TAB2: variants seen among roughly 807,000 people sequenced by gnomAD.
TAB2 encodes the protein TGF-beta-activated kinase 1 and MAP3K7-binding protein 2.
In TAB2, 3 loss-of-function variants were observed where a neutral mutation model predicts 65.0. The observed-to-expected ratio is 0.05, with a 90% CI of 0.02 to 0.12. TAB2 has a LOEUF of 0.12. TAB2 is among the 10% of genes least tolerant of loss of function. TAB2 has a pLI of 1.00. For missense variants in TAB2, 623 were observed against 840.3 expected (o/e 0.74, Z 3.20); for synonymous variants, 298 against 285.1 (o/e 1.05, Z -0.46).
intron 1 of TAB2, among the ~76,000 whole-genome samples, chr6:149,335,341 G>A (rs1381061963): frequency 6.6e-6 from 1 of 150,558 alleles, no homozygotes; most frequent in African/African-American, 2.4e-5. Context: ...AAAAATATAT[G>A]TGTGTATATA....
At chr6:149,308,157 T>C (rs1451600790) in intron 1 of TAB2, among the ~76,000 whole-genome samples, 1 of 152,238 alleles carries the variant, frequency 6.6e-6, no homozygotes, top group Non-Finnish European at 1.5e-5. Context: ...TTTACTATTA[T>C]AAGGAAGGTT....
intron 1 of TAB2, among the ~76,000 whole-genome samples, chr6:149,341,257 C>T (rs1780116805): frequency 1.3e-5 from 2 of 152,044 alleles, no homozygotes; most frequent in Non-Finnish European, 2.9e-5. Context: ...ATCATCAGCT[C>T]TCAAAATTGA....
rs764646406 is a variant in TAB2, at chr6:149,400,241, G to A, written c.1939+1057G>A. On this transcript the variant is annotated intron_variant, in intron 6 of 6. Coordinates refer to ENST00000637181, the MANE Select transcript of TAB2 (RefSeq NM_001292034.3). Reference sequence around the variant, plus strand: ...AACAGCTCGTGCTGGCGCACACAGCGGGAGGGGAGGGAGCCCAGGATGTGC... The same window carrying A: ...AACAGCTCGTGCTGGCGCACACAGCAGGAGGGGAGGGAGCCCAGGATGTGC... 80 of 799,816 alleles carry A rather than the reference G, an allele frequency of 1.0e-4. 1 individual carries two copies. Among genetic ancestry groups the A allele is most frequent in the South Asian group, 7.5e-4 (41 of 54,618 alleles). 49.5% of individuals were successfully genotyped at this position (799,816 alleles called of 1,614,324 possible). A position where few individuals can be genotyped will look rare whatever the true frequency, so the allele number is the denominator to read the frequency against.
intron 1 of TAB2, chr6:149,229,951 A>G (rs773041085): frequency 6.6e-6 from 1 of 152,222 alleles, no homozygotes; most frequent in Non-Finnish European, 1.5e-5. Flanking sequence ...ACCTTGGCTC[A>G]TTTCAAAATC....
chr6:149,323,359 TA>T (rs1779511724), intron 1 of TAB2, among the ~76,000 whole-genome samples: 1 of 152,144 alleles, frequency 6.6e-6, no homozygotes, highest in Non-Finnish European at 1.5e-5. Flanking sequence ...GAAAAAGTAA[TA>T]TAGCAGTTTT....
intron 1 of TAB2, among the ~76,000 whole-genome samples, chr6:149,256,570 T>C (rs1778039586): frequency 1.3e-5 from 2 of 152,186 alleles, no homozygotes; most frequent in South Asian, 4.1e-4. Flanking sequence ...TCGAATATAT[T>C]ATTCATGCTG....
At chr6:149,408,679 A>G (rs1028216928) in intron 6 of TAB2, among the ~76,000 whole-genome samples, 1 of 152,198 alleles carries the variant, frequency 6.6e-6, no homozygotes, top group Admixed American at 6.5e-5. Context: ...TTGTAGGAAT[A>G]CTGTTCTAAT....
intron 1 of TAB2, among the ~76,000 whole-genome samples, chr6:149,273,795 C>T (rs1467467167): frequency 2.0e-5 from 3 of 152,224 alleles, no homozygotes; most frequent in East Asian, 1.9e-4. Flanking sequence ...GCAGAACACA[C>T]ACCTTCCGTG....
chr6:149,404,550 A>G (rs964016057), intron 6 of TAB2, among the ~76,000 whole-genome samples: 1 of 152,248 alleles, frequency 6.6e-6, no homozygotes, highest in Non-Finnish European at 1.5e-5. Context: ...ACAAAGTTAT[A>G]GTAAAACAGT....
intron 1 of TAB2, among the ~76,000 whole-genome samples, chr6:149,348,037 G>A (rs940930684): frequency 1.3e-5 from 2 of 152,150 alleles, no homozygotes; most frequent in South Asian, 4.1e-4. Context: ...TACTGTTTAA[G>A]AGTAATTCAT....
At chr6:149,386,627 C>T (rs1781818153) in intron 3 of TAB2, among the ~76,000 whole-genome samples, 1 of 152,184 alleles carries the variant, frequency 6.6e-6, no homozygotes, top group South Asian at 2.1e-4. Flanking sequence ...TATAAATACA[C>T]TGCATTTCAT....
chr6:149,306,238 TCTA>T (rs948359032), intron 1 of TAB2, among the ~76,000 whole-genome samples: 2 of 151,736 alleles, frequency 1.3e-5, no homozygotes, highest in African/African-American at 4.8e-5. Context: ...AAACCCCATC[TCTA>T]CTAAAAATAC....
chr6:149,260,206 G>A (rs939717917), intron 1 of TAB2, among the ~76,000 whole-genome samples: 1 of 152,194 alleles, frequency 6.6e-6, no homozygotes, highest in African/African-American at 2.4e-5. Flanking sequence ...ACCTCATCAG[G>A]ACAGCCCCTG....
At chr6:149,266,298 T>C (rs1391780925) in intron 1 of TAB2, among the ~76,000 whole-genome samples, 1 of 152,214 alleles carries the variant, frequency 6.6e-6, no homozygotes, top group Non-Finnish European at 1.5e-5. Flanking sequence ...TACGTGTGTC[T>C]GTGTCTTTGT....
At chr6:149,290,917 G>A (rs1778764951) in intron 1 of TAB2, among the ~76,000 whole-genome samples, 2 of 152,176 alleles carry the variant, frequency 1.3e-5, no homozygotes, top group African/African-American at 2.4e-5. Context: ...GCTGTTGAAC[G>A]AATGAATTAT....
intron 1 of TAB2, among the ~76,000 whole-genome samples, chr6:149,269,984 G>A (rs1432052620): frequency 6.6e-6 from 1 of 152,198 alleles, no homozygotes; most frequent in African/African-American, 2.4e-5. Context: ...GGGTCCTACA[G>A]CAAGCATACA....
chr6:149,389,498 A>G (rs1781911157), intron 3 of TAB2, among the ~76,000 whole-genome samples: 2 of 151,936 alleles, frequency 1.3e-5, no homozygotes, highest in South Asian at 4.2e-4. Context: ...ATACAAAATT[A>G]GCTGGGTGTG....
At position 149,267,137 on chromosome 6, in the gene TAB2, G is replaced by C. The variant is rs543695055; in HGVS notation, c.-121+48361G>C. On this transcript the variant is annotated intron_variant, in intron 1 of 1. Transcript: ENST00000606202. Reference sequence around the variant, plus strand: ...AATGAAATGCGTGCCTGTGAGAATGGAGAGGAGAGAGGAGATTTGAGGGAG... The same window carrying C: ...AATGAAATGCGTGCCTGTGAGAATGCAGAGGAGAGAGGAGATTTGAGGGAG... 3.3e-5 allele frequency among the ~76,000 whole-genome samples: 5 copies of C among 152,292 alleles called. No individual in the cohort carries two copies. The East Asian group carries it at 9.6e-4, about 29-fold the overall frequency.
At chr6:149,236,776 G>A (rs959299895) in intron 1 of TAB2, among the ~76,000 whole-genome samples, 1 of 152,140 alleles carries the variant, frequency 6.6e-6, no homozygotes, top group Admixed American at 6.5e-5. Context: ...TTTGGAAGGG[G>A]TCCAATTTTC....
Sources: gnomAD v4.1 joint callset for allele counts (sites outside exome capture counted in the v4.1 genomes callset) on GRCh38, gnomAD v4.1.1 for gene constraint, MANE v1.5 for transcripts, NCBI Gene and HGNC (gene_info 2026-07-23, HGNC 2026-07-21) for gene names.